Variants in EFCAB5 observed in about 807,000 individuals in gnomAD.
EFCAB5 encodes EF-hand calcium-binding domain-containing protein 5.
A neutral mutation model predicts 167.9 loss-of-function variants in EFCAB5; 131 were observed. The ratio of observed to expected loss-of-function variants is 0.78; its 90% CI spans 0.68 to 0.90. The LOEUF (loss-of-function observed/expected upper bound fraction) is 0.90, where lower values mean the gene tolerates loss of function less well. Ranked by LOEUF, EFCAB5 falls within the 40% of genes least tolerant of loss-of-function variation. The pLI is 0.00. For missense variants in EFCAB5, 1,663 were observed against 1,745.2 expected, an observed-to-expected ratio of 0.95 and a Z score of 0.84; for synonymous variants, 574 against 602.8, an observed-to-expected ratio of 0.95 and a Z score of 0.70.
Position 30,107,852 on chromosome 17 carries a change from T to C in EFCAB5, c.4340T>C (p.Val1447Ala), listed in dbSNP as rs2071469582. 2 of 1,575,804 alleles carry C rather than the reference T, an allele frequency of 1.3e-6. No individual in the cohort carries two copies. The highest frequency in any genetic ancestry group is 1.7e-6 in the Non-Finnish European group (2 of 1,166,972). ...EYIRDHSRTEVWKFGNVVIEH... is the reference protein window; with the variant it reads ...EYIRDHSRTEAWKFGNVVIEH... ...GATGCAGATCATTCCCGAACTGAAG[T>C]ATGGAAATTTGGTAATGTTGTCATT... Residue 1447 changes from valine (V) to alanine (A), a missense_variant, in exon 23 of 23, where the codon GTA (valine) becomes GCA (alanine). Coordinates refer to ENST00000394835, the MANE Select transcript of EFCAB5 (RefSeq NM_198529.4).
intron 3 of EFCAB5, among the ~76,000 whole-genome samples, chr17:29,961,633 G>A (rs2067722085): frequency 6.6e-6 from 1 of 151,804 alleles, no homozygotes; most frequent in Non-Finnish European, 1.5e-5. Context: ...GTTGCCCAGG[G>A]TAGAGTGCAG....
At chr17:29,956,786 T>C (rs1567677196) in intron 3 of EFCAB5, among the ~76,000 whole-genome samples, 2 of 151,804 alleles carry the variant, frequency 1.3e-5, no homozygotes, top group Admixed American at 6.6e-5. Context: ...AATTAACCTG[T>C]AGTGTTAGAA....
intron 8 of EFCAB5, among the ~76,000 whole-genome samples, chr17:30,038,269 T>C (rs1270410373): frequency 6.6e-6 from 1 of 152,218 alleles, no homozygotes; most frequent in Non-Finnish European, 1.5e-5. Context: ...CAGTGCTCAT[T>C]GACCATTCCA....
chr17:30,059,074 G>A (rs555071880), intron 13 of EFCAB5: 1 of 151,732 alleles, frequency 6.6e-6, no homozygotes, highest in East Asian at 1.9e-4. Flanking sequence ...AAGGTTAGCA[G>A]TGGGAGGTTG....
rs771945769 is a variant in EFCAB5 at position 30,059,536 on chromosome 17, G to A, written c.2581-9G>A. On this transcript the variant is annotated splice_polypyrimidine_tract_variant and intron_variant, in intron 13 of 22. Transcript: ENST00000394835. ...TCTTCCGTGCTTTATTATCCTGTTT[G>A]TATCCTAGTTTAGCCAAAATGCTTT... The A allele has an allele frequency of 8.1e-6, 13 of 1,598,284 alleles. No individual in the cohort carries two copies. The South Asian group carries it at 1.5e-4, about 18-fold the overall frequency.
chr17:30,042,358 C>G lies in EFCAB5; in HGVS notation c.1200+7973C>G, dbSNP rs560745537. 4.6e-5 allele frequency among the ~76,000 whole-genome samples: 7 copies of G among 152,254 alleles called. No individual in the cohort carries two copies. In the South Asian group the frequency reaches 1.5e-3, roughly 32 times the overall value. On this transcript the variant is annotated intron_variant, in intron 8 of 22. Transcript: ENST00000394835. ...AACAAACCAAAGCGAATTTGTGTGACTCACTTTATTGCAATATTCATTTTA... is the reference window on the plus strand; with the variant it reads ...AACAAACCAAAGCGAATTTGTGTGAGTCACTTTATTGCAATATTCATTTTA...
At chr17:30,025,994 G>C (rs1274342534) in intron 7 of EFCAB5, among the ~76,000 whole-genome samples, 1 of 150,624 alleles carries the variant, frequency 6.6e-6, no homozygotes, top group Non-Finnish European at 1.5e-5. Flanking sequence ...ACAGGAAGGG[G>C]AACATCACAC....
At chr17:29,939,925 A>C (rs1013099913), upstream of EFCAB5, among the ~76,000 whole-genome samples, 1 of 152,170 alleles carries the variant, frequency 6.6e-6, no homozygotes, top group African/African-American at 2.4e-5. Context: ...ATTTCTTACT[A>C]GTCTTTTACT....
intron 6 of EFCAB5, among the ~76,000 whole-genome samples, chr17:29,999,636 A>G (rs971103298): frequency 1.3e-5 from 2 of 152,118 alleles, no homozygotes; most frequent in African/African-American, 4.8e-5. Context: ...TATACTATTG[A>G]TGTGCATATT....
chr17:30,001,588 T>C (rs1470111686), intron 7 of EFCAB5, among the ~76,000 whole-genome samples: 3 of 152,280 alleles, frequency 2.0e-5, no homozygotes, highest in Admixed American at 6.5e-5. Context: ...CTGGGCAACA[T>C]AGTGAGACCC....
At chr17:30,090,757 T>C in intron 20 of EFCAB5, 83 bp downstream of exon 20, 1 of 1,499,794 alleles carries the variant, frequency 6.7e-7, no homozygotes, top group South Asian at 1.3e-5. Flanking sequence ...AAATATGCAC[T>C]TTCTAAAATG....
chr17:29,992,735 G>A (rs1375309438), intron 4 of EFCAB5, among the ~76,000 whole-genome samples: 1 of 152,222 alleles, frequency 6.6e-6, no homozygotes, highest in African/African-American at 2.4e-5. Context: ...ATTATGAATA[G>A]TGTCACAGTG....
At chr17:30,014,468 A>G (rs2068983433) in intron 7 of EFCAB5, among the ~76,000 whole-genome samples, 2 of 152,154 alleles carry the variant, frequency 1.3e-5, no homozygotes, top group African/African-American at 4.8e-5. Flanking sequence ...GACTTGCTTT[A>G]TGAATCTGGG....
intron 3 of EFCAB5, among the ~76,000 whole-genome samples, chr17:29,957,131 C>T (rs1014945013): frequency 1.3e-5 from 2 of 151,944 alleles, no homozygotes; most frequent in Non-Finnish European, 2.9e-5. Flanking sequence ...TCCTTCTATA[C>T]CCAGTGTTTT....
intron 4 of EFCAB5, among the ~76,000 whole-genome samples, chr17:29,977,466 A>G (rs2068084576): frequency 2.0e-5 from 3 of 152,142 alleles, no homozygotes; most frequent in Admixed American, 6.6e-5. Context: ...AATAACCTAG[A>G]ATGAGTTCAA....
intron 7 of EFCAB5, among the ~76,000 whole-genome samples, chr17:30,028,157 T>C (rs2069382202): frequency 6.6e-6 from 1 of 152,184 alleles, no homozygotes; most frequent in South Asian, 2.1e-4. Context: ...TGGTCCACTC[T>C]GAGATGGTCA....
chr17:30,069,876 G>T (rs1361903634), intron 14 of EFCAB5, among the ~76,000 whole-genome samples: 21 of 152,206 alleles, frequency 1.4e-4, no homozygotes, highest in Admixed American at 1.4e-3. Context: ...CACACCAATG[G>T]GAAGTGGCCT....
Position 30,105,128 on chromosome 17 carries a change from T to C in EFCAB5, c.4322-2706T>C, listed in dbSNP as rs138774095. On this transcript the variant is annotated intron_variant, in intron 22 of 22. Transcript: ENST00000394835. Reference sequence around the variant, plus strand: ...CTAGGGTGAATTTTATTTAGCTTCATAGCATTGAAACATTATCTTTGGAAA... The same window carrying C: ...CTAGGGTGAATTTTATTTAGCTTCACAGCATTGAAACATTATCTTTGGAAA... 2.0e-5 allele frequency among the ~76,000 whole-genome samples: 3 copies of C among 152,264 alleles called. No homozygotes were observed. In the East Asian group the frequency reaches 5.8e-4, roughly 29 times the overall value.
chr17:30,044,600 C>A (rs2069867163), intron 8 of EFCAB5, among the ~76,000 whole-genome samples: 1 of 151,798 alleles, frequency 6.6e-6, no homozygotes, highest in African/African-American at 2.4e-5. Flanking sequence ...ATCTGATATT[C>A]ATTATAATTA....
Sources: allele counts gnomAD v4.1 joint callset (sites outside exome capture counted in the v4.1 genomes callset), GRCh38; gene constraint gnomAD v4.1.1; transcripts MANE v1.5; gene names NCBI Gene and HGNC (gene_info 2026-07-23, HGNC 2026-07-21).